CNTN5: variants seen among roughly 807,000 people sequenced by gnomAD.
The protein encoded by CNTN5 is contactin-5.
CNTN5 carries 77 observed loss-of-function variants against 129.1 expected under a neutral mutation model. The ratio of observed to expected loss-of-function variants is 0.60; its 90% confidence interval spans 0.50 to 0.72. The LOEUF (loss-of-function observed/expected upper bound fraction) is 0.72, where lower values mean the gene tolerates loss of function less well. Ranked by LOEUF, CNTN5 falls within the 30% of genes least tolerant of loss-of-function variation. CNTN5 has a pLI of 0.00. For synonymous variants in CNTN5, 509 were observed against 465.6 expected, an observed-to-expected ratio of 1.09 and a Z score of -1.20; for missense variants, 1,478 against 1,328.8, an observed-to-expected ratio of 1.11 and a Z score of -1.75.
At chr11:99,420,657 G>A (rs138206543) in intron 2 of CNTN5, among the ~76,000 whole-genome samples, 34 of 152,200 alleles carry the variant, frequency 2.2e-4, no homozygotes, top group African/African-American at 7.9e-4. Context: ...ATAAGATTAC[G>A]ATGAAAAAGT....
At chr11:99,859,756 G>T (rs1948150576) in intron 6 of CNTN5, among the ~76,000 whole-genome samples, 1 of 152,080 alleles carries the variant, frequency 6.6e-6, no homozygotes, top group Non-Finnish European at 1.5e-5. Context: ...CTGTTGATGG[G>T]CACCTAGGTT....
At chr11:99,352,485 A>G (rs549821239) in intron 2 of CNTN5, among the ~76,000 whole-genome samples, 2 of 152,208 alleles carry the variant, frequency 1.3e-5, no homozygotes, top group East Asian at 3.9e-4. Flanking sequence ...AAATTTAATC[A>G]TGATGAGTCA....
chr11:99,626,410 T>C (rs180736863), intron 3 of CNTN5, among the ~76,000 whole-genome samples: 2 of 152,244 alleles, frequency 1.3e-5, no homozygotes, highest in Non-Finnish European at 2.9e-5. Flanking sequence ...TCAGAGTATT[T>C]ATAGATTTTT....
intron 10 of CNTN5, among the ~76,000 whole-genome samples, chr11:100,062,996 A>G (rs1025573961): frequency 6.6e-6 from 1 of 152,182 alleles, no homozygotes; most frequent in Non-Finnish European, 1.5e-5. Context: ...ATACTGAAAG[A>G]CAAGTGTTGA....
At chr11:100,138,337 G>A (rs574892026) in intron 13 of CNTN5, among the ~76,000 whole-genome samples, 90 of 152,018 alleles carry the variant, frequency 5.9e-4, no homozygotes, top group African/African-American at 2.0e-3. Context: ...TATGTACTAG[G>A]CGCTTTTCTA....
At chr11:100,034,972 T>A (rs1010358574) in intron 9 of CNTN5, among the ~76,000 whole-genome samples, 5 of 152,178 alleles carry the variant, frequency 3.3e-5, no homozygotes, top group East Asian at 1.9e-4. Flanking sequence ...ATCTTTTTTT[T>A]TAAATTTTAT....
At chr11:99,539,448 A>G (rs1326884607) in intron 2 of CNTN5, among the ~76,000 whole-genome samples, 2 of 152,070 alleles carry the variant, frequency 1.3e-5, no homozygotes, top group African/African-American at 4.8e-5. Context: ...AAACATTAAT[A>G]ATTGTTCTTT....
chr11:99,390,429 A>G (rs1268065269), intron 2 of CNTN5, among the ~76,000 whole-genome samples: 1 of 152,222 alleles, frequency 6.6e-6, no homozygotes, highest in Non-Finnish European at 1.5e-5. Flanking sequence ...CTTGTTATTC[A>G]TAAGAAAAAA....
chr11:99,947,639 A>G (rs1412543823), intron 7 of CNTN5, among the ~76,000 whole-genome samples: 1 of 152,150 alleles, frequency 6.6e-6, no homozygotes, highest in Middle Eastern at 3.2e-3. Flanking sequence ...TGCTGCACCT[A>G]TGTGATAAAT....
intron 9 of CNTN5, among the ~76,000 whole-genome samples, chr11:100,043,475 TAAAC>T (rs761494264): frequency 6.5e-4 from 99 of 152,308 alleles, no homozygotes; most frequent in South Asian, 2.1e-3. Flanking sequence ...AAAATTTAAA[TAAAC>T]AGCATTAAAC....
intron 1 of CNTN5, among the ~76,000 whole-genome samples, chr11:99,249,754 A>G (rs961745875): frequency 6.6e-6 from 1 of 152,114 alleles, no homozygotes; most frequent in Non-Finnish European, 1.5e-5. Context: ...AAGAATTTAT[A>G]CAGTCTTCTA....
intron 3 of CNTN5, among the ~76,000 whole-genome samples, chr11:99,722,090 T>A (rs1943191672): frequency 6.6e-6 from 1 of 152,138 alleles, no homozygotes; most frequent in African/African-American, 2.4e-5. Context: ...CTGAAAGAGC[T>A]AAAAGTGGAA....
chr11:99,328,798 A>G (rs1484875391), intron 2 of CNTN5, among the ~76,000 whole-genome samples: 1 of 142,752 alleles, frequency 7.0e-6, no homozygotes, highest in Non-Finnish European at 1.5e-5. Context: ...TGAACCCAGG[A>G]GGCGGAGGTT....
chr11:99,084,785 A>G (rs1865934229), intron 1 of CNTN5, among the ~76,000 whole-genome samples: 1 of 152,178 alleles, frequency 6.6e-6, no homozygotes, highest in African/African-American at 2.4e-5. Flanking sequence ...GAAAAGCCTC[A>G]TAACTTTATA....
chr11:99,164,892 G>A (rs774621056), intron 1 of CNTN5, among the ~76,000 whole-genome samples: 2 of 152,046 alleles, frequency 1.3e-5, no homozygotes, highest in Non-Finnish European at 2.9e-5. Flanking sequence ...AAGAGCTCTC[G>A]CTGTCTCTCT....
intron 1 of CNTN5, among the ~76,000 whole-genome samples, chr11:99,070,208 T>C (rs1050010788): frequency 3.3e-5 from 5 of 152,202 alleles, no homozygotes; most frequent in Non-Finnish European, 7.3e-5. Flanking sequence ...TCTCTGACTA[T>C]TCTGCTTTAC....
intron 2 of CNTN5, among the ~76,000 whole-genome samples, chr11:99,355,135 T>C (rs1237743388): frequency 6.6e-6 from 1 of 152,218 alleles, no homozygotes; most frequent in East Asian, 1.9e-4. Context: ...TTATCTTAAC[T>C]AGCACACTTT....
At chr11:100,270,110 ACAT>A (rs1165767271) in intron 17 of CNTN5, among the ~76,000 whole-genome samples, 1 of 152,152 alleles carries the variant, frequency 6.6e-6, no homozygotes, top group East Asian at 1.9e-4. Flanking sequence ...TTAAAAAAAC[ACAT>A]CAGCCCTGCA....
At chr11:99,632,554 A>G (rs552695036) in intron 3 of CNTN5, among the ~76,000 whole-genome samples, 1 of 152,182 alleles carries the variant, frequency 6.6e-6, no homozygotes, top group Admixed American at 6.6e-5. Context: ...TTGTACCCCA[A>G]ATTGATTTTT....
Sources: gnomAD v4.1 joint callset for allele counts (sites outside exome capture counted in the v4.1 genomes callset) on GRCh38, gnomAD v4.1.1 for gene constraint, MANE v1.5 for transcripts, NCBI Gene and HGNC (gene_info 2026-07-23, HGNC 2026-07-21) for gene names.